ATXN1: variants seen among roughly 807,000 people sequenced by gnomAD.
ATXN1 encodes ataxin-1.
Under a neutral mutation model 56.4 loss-of-function variants are expected in ATXN1, and 8 were observed. That is an observed-to-expected ratio of 0.14 (90% CI 0.08 to 0.26). The LOEUF is 0.26. Ranked by LOEUF, ATXN1 falls within the 10% of genes least tolerant of loss-of-function variation. The pLI, the probability that ATXN1 is intolerant of heterozygous loss-of-function variation, is 1.00. For missense variants in ATXN1, 987 were observed against 1,106.5 expected (o/e 0.89, Z 1.53); for synonymous variants, 514 against 494.6 (o/e 1.04, Z -0.52).
intron 5 of ATXN1, among the ~76,000 whole-genome samples, chr6:16,488,710 T>C (rs1309240527): frequency 6.6e-6 from 1 of 152,204 alleles, no homozygotes; most frequent in Non-Finnish European, 1.5e-5. Flanking sequence ...TGAAAGCCTG[T>C]CTGAAACAAA....
chr6:16,498,588 C>T (rs1760821244), intron 5 of ATXN1, among the ~76,000 whole-genome samples: 2 of 152,134 alleles, frequency 1.3e-5, no homozygotes, highest in African/African-American at 4.8e-5. Context: ...GTGATTGCAC[C>T]ATACTACATT....
intron 3 of ATXN1, among the ~76,000 whole-genome samples, chr6:16,639,664 C>T (rs551543956): frequency 6.6e-6 from 1 of 152,298 alleles, no homozygotes; most frequent in South Asian, 2.1e-4. Flanking sequence ...CAGGGAAGTG[C>T]AGCTTCAACC....
chr6:16,691,543 C>T (rs1266362873), intron 2 of ATXN1, among the ~76,000 whole-genome samples: 3 of 152,132 alleles, frequency 2.0e-5, no homozygotes, highest in Non-Finnish European at 4.4e-5. Context: ...GTCAGTTTCA[C>T]CTGTTAAGTA....
chr6:16,655,336 C>T (rs990601531), intron 3 of ATXN1, among the ~76,000 whole-genome samples: 1 of 152,172 alleles, frequency 6.6e-6, no homozygotes, highest in Non-Finnish European at 1.5e-5. Context: ...GTCTGGACAA[C>T]ATAGCGAGAC....
chr6:16,628,000 T>C lies in ATXN1; in HGVS notation c.-489+29776A>G, dbSNP rs551000452. Among the ~76,000 whole-genome samples the C allele has an allele frequency of 3.9e-5, 6 of 152,220 alleles. No homozygotes were observed. In the East Asian group the frequency reaches 5.8e-4, roughly 15 times the overall value. On this transcript the variant is annotated intron_variant, in intron 3 of 7. Transcript: ENST00000436367. ...GCCCTGCAAACAGAAATTACTACAA[T>C]AGAACAGTAGACACCTTCATTAATT...
chr6:16,426,477 G>A (rs974676941), intron 6 of ATXN1, among the ~76,000 whole-genome samples: 1 of 152,110 alleles, frequency 6.6e-6, no homozygotes, highest in African/African-American at 2.4e-5. Context: ...CAAATCTCTA[G>A]GAGGAGGCTG....
chr6:16,312,660 G>A (rs1412494329), intron 7 of ATXN1, among the ~76,000 whole-genome samples: 1 of 152,138 alleles, frequency 6.6e-6, no homozygotes. Flanking sequence ...AGACCAGTCT[G>A]GCCAATATGG....
At chr6:16,561,308 G>A (rs1762112191) in intron 4 of ATXN1, among the ~76,000 whole-genome samples, 1 of 152,146 alleles carries the variant, frequency 6.6e-6, no homozygotes. Flanking sequence ...GCAAAATGGT[G>A]CACTGAGCAA....
intron 6 of ATXN1, among the ~76,000 whole-genome samples, chr6:16,376,892 T>A (rs1242710912): frequency 6.6e-6 from 1 of 152,262 alleles, no homozygotes; most frequent in Non-Finnish European, 1.5e-5. Context: ...AGGAAGTTAT[T>A]GTATGCAGAG....
chr6:16,429,181 T>C (rs1266640831), intron 6 of ATXN1, among the ~76,000 whole-genome samples: 1 of 152,016 alleles, frequency 6.6e-6, no homozygotes, highest in Admixed American at 6.6e-5. Context: ...GTGGCCCTGG[T>C]GCATCATTTC....
intron 6 of ATXN1, among the ~76,000 whole-genome samples, chr6:16,455,854 G>A (rs200072692): frequency 3.5e-4 from 54 of 152,230 alleles, no homozygotes; most frequent in East Asian, 9.6e-4. Flanking sequence ...TTTGTAAAGC[G>A]CACCAATCAG....
chr6:16,688,930 T>C (rs1758977672), intron 2 of ATXN1, among the ~76,000 whole-genome samples: 1 of 152,136 alleles, frequency 6.6e-6, no homozygotes, highest in African/African-American at 2.4e-5. Context: ...TGGAGATGCA[T>C]GTGTGTGTAT....
chr6:16,357,906 T>G (rs751865241), intron 6 of ATXN1, among the ~76,000 whole-genome samples: 1 of 152,254 alleles, frequency 6.6e-6, no homozygotes, highest in Non-Finnish European at 1.5e-5. Flanking sequence ...TTAATAAAGA[T>G]AGTAAGACCC....
intron 6 of ATXN1, among the ~76,000 whole-genome samples, chr6:16,395,131 C>T (rs929053142): frequency 6.6e-6 from 1 of 151,818 alleles, no homozygotes; most frequent in African/African-American, 2.4e-5. Context: ...ATTAGCTGGG[C>T]ATGGTGGCTC....
At chr6:16,469,683 A>T (rs1444211439) in intron 6 of ATXN1, among the ~76,000 whole-genome samples, 1 of 152,114 alleles carries the variant, frequency 6.6e-6, no homozygotes, top group Non-Finnish European at 1.5e-5. Flanking sequence ...GTTGGTGAAG[A>T]CTGGGTGCGG....
chr6:16,399,078 C>T (rs913326629), intron 6 of ATXN1, among the ~76,000 whole-genome samples: 31 of 152,214 alleles, frequency 2.0e-4, no homozygotes, highest in Non-Finnish European at 2.8e-4. Context: ...GCAGAACTAA[C>T]CATCACAAAG....
chr6:16,538,369 T>C (rs1265828641), intron 4 of ATXN1, among the ~76,000 whole-genome samples: 1 of 152,208 alleles, frequency 6.6e-6, no homozygotes, highest in Non-Finnish European at 1.5e-5. Flanking sequence ...TTGACCAACA[T>C]ACAAAGAGCT....
At chr6:16,648,023 C>T (rs186425502) in intron 3 of ATXN1, among the ~76,000 whole-genome samples, 10 of 152,114 alleles carry the variant, frequency 6.6e-5, no homozygotes, top group African/African-American at 1.7e-4. Context: ...TGCAGTGAGC[C>T]GAAATTGCGC....
intron 6 of ATXN1, among the ~76,000 whole-genome samples, chr6:16,461,792 G>A (rs114039376): frequency 0.016 from 2,404 of 152,302 alleles, 75 homozygotes; most frequent in African/African-American, 0.055. Flanking sequence ...CTTTCACTGT[G>A]CCTGGAGGCC....
Sources: gnomAD v4.1 joint callset for allele counts (sites outside exome capture counted in the v4.1 genomes callset) on GRCh38, gnomAD v4.1.1 for gene constraint, MANE v1.5 for transcripts, NCBI Gene and HGNC (gene_info 2026-07-23, HGNC 2026-07-21) for gene names.